Variants in POLE2 observed in about 807,000 individuals in gnomAD.
POLE2 encodes DNA polymerase epsilon subunit 2.
In POLE2, 56 loss-of-function variants were observed where a neutral mutation model predicts 79.4. The observed-to-expected ratio is 0.71, with a 90% confidence interval of 0.57 to 0.88. The LOEUF is 0.88. Ranked by LOEUF, POLE2 falls within the 40% of genes least tolerant of loss-of-function variation. The pLI, the probability that POLE2 is intolerant of heterozygous loss-of-function variation, is 0.00. For synonymous variants in POLE2, 212 were observed against 214.0 expected, an observed-to-expected ratio of 0.99 and a Z score of 0.08; for missense variants, 598 against 638.9, an observed-to-expected ratio of 0.94 and a Z score of 0.69.
chr14:49,662,157 C>A (rs1333897377), intron 10 of POLE2, among the ~76,000 whole-genome samples: 2 of 152,314 alleles, frequency 1.3e-5, no homozygotes, highest in Admixed American at 1.3e-4. Context: ...GGCTTGTGTT[C>A]TCCTTAGCAA....
chr14:49,687,202 C>T (rs1419863950), intron 1 of POLE2, among the ~76,000 whole-genome samples: 1 of 151,208 alleles, frequency 6.6e-6, no homozygotes, highest in Non-Finnish European at 1.5e-5. Context: ...GAGGTTGAGG[C>T]TGCAGTAAGT....
intron 18 of POLE2, among the ~76,000 whole-genome samples, chr14:49,644,213 A>G (rs575871287): frequency 1.3e-5 from 2 of 150,296 alleles, no homozygotes; most frequent in Admixed American, 1.3e-4. Context: ...AAGGTAGACT[A>G]ATTTTTAAAA....
rs183887354 is a variant in POLE2, at chr14:49,667,060, C to A, written c.493-647G>T. 2.0e-3 allele frequency among the ~76,000 whole-genome samples: 298 copies of A among 151,930 alleles called. 1 individual carries two copies. Among genetic ancestry groups the A allele is most frequent in the African/African-American group, 6.9e-3 (286 of 41,454 alleles). On this transcript the variant is annotated intron_variant, in intron 6 of 18. Transcript: ENST00000216367. ...AAAATTAGCCAGGCATGGTGGCAGG[C>A]GCCTGTAGTCCCAGCTACTCGGGAG...
intron 2 of POLE2, 46 bp from the exon 3 acceptor site, chr14:49,679,846 AT>A: frequency 9.4e-7 from 1 of 1,067,806 alleles, no homozygotes; most frequent in Non-Finnish European, 1.4e-6. Flanking sequence ...AAAAAAAAAA[AT>A]AGTTCTTTCC....
At chr14:49,677,324 C>T (rs1366112690) in intron 3 of POLE2, 5 of 526,724 alleles carry the variant, frequency 9.5e-6, no homozygotes, top group East Asian at 3.4e-5. Context: ...GGCCGAAGGA[C>T]GATGGCAACT....
At chr14:49,661,950 A>C (rs1885127256) in intron 10 of POLE2, among the ~76,000 whole-genome samples, 1 of 152,222 alleles carries the variant, frequency 6.6e-6, no homozygotes, top group Non-Finnish European at 1.5e-5. Flanking sequence ...AAAGAGAAAC[A>C]AATGGTAAAC....
At chr14:49,650,207 A>T (rs1237125925) in intron 17 of POLE2, 58 bp downstream of exon 17, 3 of 886,430 alleles carry the variant, frequency 3.4e-6, no homozygotes, top group Admixed American at 2.9e-5. Flanking sequence ...TTTTTAAATT[A>T]AAAAATGCAC....
intron 15 of POLE2, among the ~76,000 whole-genome samples, chr14:49,652,439 G>T (rs944782990): frequency 1.3e-5 from 2 of 152,004 alleles, no homozygotes; most frequent in African/African-American, 4.8e-5. Context: ...ACCAGTCCAT[G>T]GTCTGTTAGG....
At chr14:49,669,266 C>A (rs1458022770) in intron 6 of POLE2, among the ~76,000 whole-genome samples, 1 of 152,140 alleles carries the variant, frequency 6.6e-6, no homozygotes, top group Non-Finnish European at 1.5e-5. Flanking sequence ...AGCTAGGAAT[C>A]TACCTTGGAG....
Position 49,677,873 on chromosome 14 carries a change from C to T in POLE2, c.245+1852G>A, listed in dbSNP as rs1260395726. 6 of 400,106 alleles carry T rather than the reference C, an allele frequency of 1.5e-5. No homozygotes were observed. The East Asian group carries it at 2.1e-4, about 14-fold the overall frequency. 24.8% of individuals were successfully genotyped at this position (400,106 alleles called of 1,614,324 possible). Reference sequence around the variant, plus strand: ...GGTACTGCAGCCCCCAGCTCCTGGCCAGCACACTGCCCAAATCTGAACAAA... The same window carrying T: ...GGTACTGCAGCCCCCAGCTCCTGGCTAGCACACTGCCCAAATCTGAACAAA... On this transcript the variant is annotated intron_variant, in intron 3 of 18. Coordinates refer to ENST00000216367, the MANE Select transcript of POLE2 (RefSeq NM_002692.4).
In POLE2 at chr14:49,650,296, G is replaced by C. The variant is rs546224864; in HGVS notation, c.1466C>G (p.Thr489Arg). The C allele has an allele frequency of 2.5e-6, 4 of 1,605,466 alleles. No individual in the cohort carries two copies. The highest frequency in any genetic ancestry group is 3.4e-6 in the Non-Finnish European group (4 of 1,175,214). The change falls in exon 17 of 19, where the codon ACG becomes AGG. Residue 489 changes from threonine (T) to arginine (R), a missense_variant. By Grantham distance (71) the Thr-to-Arg change is moderately conservative. Coordinates refer to ENST00000216367, the MANE Select transcript of POLE2 (RefSeq NM_002692.4). The part of the protein sequence containing the change: ...VIADKYDPFT[T>R]TNTECLCINP... ...TATGCAGAGGCATTCGGTATTTGTC[G>C]TAGTGAAAGGATCATATTTGTCTGC...
chr14:49,655,120 A>C (rs1884559325), intron 11 of POLE2, 26 bp from the exon 12 acceptor site: 1 of 1,152,892 alleles, frequency 8.7e-7, no homozygotes. Context: ...GTAAATGAAC[A>C]ATACTTTTCT....
intron 3 of POLE2, among the ~76,000 whole-genome samples, chr14:49,678,773 C>T (rs766538243): frequency 3.9e-5 from 6 of 152,084 alleles, no homozygotes; most frequent in Non-Finnish European, 7.4e-5. Flanking sequence ...TCTCCTGTCT[C>T]AGCCTCCCAA....
intron 15 of POLE2, among the ~76,000 whole-genome samples, chr14:49,652,804 A>T (rs1324293378): frequency 6.6e-6 from 1 of 152,116 alleles, no homozygotes; most frequent in Non-Finnish European, 1.5e-5. Flanking sequence ...AATAATAGAA[A>T]TAAAGTGCAC....
At chr14:49,687,057 G>A (rs981065267) in intron 1 of POLE2, among the ~76,000 whole-genome samples, 14 of 151,996 alleles carry the variant, frequency 9.2e-5, no homozygotes, top group Non-Finnish European at 1.6e-4. Context: ...GCCACGGCGC[G>A]AGGACTACTT....
chr14:49,653,565 T>C lies in POLE2; in HGVS notation c.1211+425A>G, dbSNP rs184455197. Among the ~76,000 whole-genome samples, 169 of 152,352 alleles carry C rather than the reference T, an allele frequency of 1.1e-3. 3 individuals carry two copies. In the East Asian group the frequency reaches 0.018, roughly 16 times the overall value. On this transcript the variant is annotated intron_variant, in intron 15 of 18. Transcript: ENST00000216367. ...AACAAAAATAAATTTTCTTCTTATATTTATTCCATAACAGTCGAAATTCAG... is the reference window on the plus strand; with the variant it reads ...AACAAAAATAAATTTTCTTCTTATACTTATTCCATAACAGTCGAAATTCAG...
In POLE2 at chr14:49,688,209, C is replaced by A; in HGVS notation, c.-6G>T. 6.6e-7 allele frequency: 1 copy of A among 1,523,060 alleles called. No homozygotes were observed. Among genetic ancestry groups the A allele is most frequent in the Admixed American group, 2.0e-5 (1 of 49,270 alleles). 94.3% of individuals were successfully genotyped at this position (1,523,060 alleles called of 1,614,324 possible). A position where few individuals can be genotyped will look rare whatever the true frequency, so the allele number is the denominator to read the frequency against. ...CGCAGCCGCTCCGGCGCCATATTTG[C>A]GATTTGGCGCCACCGCCGCAGCTCC... On this transcript the variant is annotated 5_prime_UTR_variant, in exon 1 of 19. Coordinates refer to ENST00000216367, the MANE Select transcript of POLE2 (RefSeq NM_002692.4).
At chr14:49,662,959 C>A (rs1458594250) in intron 10 of POLE2, among the ~76,000 whole-genome samples, 1 of 152,164 alleles carries the variant, frequency 6.6e-6, no homozygotes, top group Non-Finnish European at 1.5e-5. Flanking sequence ...AACTTTCATT[C>A]ATTGGAATAT....
Position 49,666,363 on chromosome 14 carries a change from C to A in POLE2, c.543G>T (p.Ala181=). The part of the protein sequence containing the change: ...LLGSTTKIGD[A]IVLGMITQLK... ...ACTGCGTTATCATTCCAAGAACAAT[C>A]GCATCTCCGATTTTGGTTGTACTAC... The change falls in exon 7 of 19, where the codon GCG becomes GCT. Residue 181 remains alanine, a synonymous_variant. Transcript: ENST00000216367. 1 of 1,548,942 alleles carries A rather than the reference C, an allele frequency of 6.5e-7. No individual in the cohort carries two copies. The highest frequency in any genetic ancestry group is 8.7e-7 in the Non-Finnish European group (1 of 1,146,950).
Sources: gnomAD v4.1 joint callset for allele counts (sites outside exome capture counted in the v4.1 genomes callset) on GRCh38, gnomAD v4.1.1 for gene constraint, MANE v1.5 for transcripts, NCBI Gene and HGNC (gene_info 2026-07-23, HGNC 2026-07-21) for gene names.